The following PIEZO2 variants were observed in gnomAD, a reference collection of about 807,000 sequenced individuals.
PIEZO2 encodes piezo-type mechanosensitive ion channel component 2.
Under a neutral mutation model 337.3 loss-of-function variants are expected in PIEZO2, and 172 were observed. The ratio of observed to expected loss-of-function variants is 0.51; its 90% CI spans 0.45 to 0.58. The LOEUF (loss-of-function observed/expected upper bound fraction) is 0.58. Among genes scored for constraint, PIEZO2 ranks in the 20% least tolerant of loss-of-function variants. The probability of loss-of-function intolerance (pLI) is 0.00; values close to 1 mark genes in which losing one functional copy is unlikely to be tolerated. For synonymous variants in PIEZO2, 1,251 were observed against 1,228.5 expected, an observed-to-expected ratio of 1.02 and a Z score of -0.38; for missense variants, 3,028 against 3,391.3, an observed-to-expected ratio of 0.89 and a Z score of 2.66.
intron 3 of PIEZO2, among the ~76,000 whole-genome samples, chr18:10,916,811 G>A (rs1304322832): frequency 6.6e-6 from 1 of 152,214 alleles, no homozygotes; most frequent in Non-Finnish European, 1.5e-5. Flanking sequence ...AATGAGCGAT[G>A]GCTGCCAGCA....
intron 3 of PIEZO2, among the ~76,000 whole-genome samples, chr18:10,961,246 G>T (rs2145378179): frequency 6.6e-6 from 1 of 152,012 alleles, no homozygotes; most frequent in African/African-American, 2.4e-5. Context: ...AAAAAGTAAT[G>T]AATTAACAGC....
At chr18:10,725,257 C>T in intron 36 of PIEZO2, 1 of 1,560,828 alleles carries the variant, frequency 6.4e-7, no homozygotes, top group Admixed American at 1.7e-5. Flanking sequence ...CACCGGCAGG[C>T]AGCTGCTCAC....
chr18:10,747,857 C>A lies in PIEZO2; in HGVS notation c.4424+614G>T, dbSNP rs1323147479. On this transcript the variant is annotated intron_variant, in intron 30 of 55. Transcript: ENST00000674853. ...CCAGTATCCATCAGCTTATTCACAC[C>A]AAGCATCTGATGGGACCTAGGCAAG... is the stretch of plus-strand genomic sequence containing the variant. Among the ~76,000 whole-genome samples, 5 of 152,118 alleles carry A rather than the reference C, an allele frequency of 3.3e-5. No individual in the cohort carries two copies. In the East Asian group the frequency reaches 9.6e-4, roughly 29 times the overall value.
chr18:10,678,094 G>C (rs1159789123), intron 52 of PIEZO2, among the ~76,000 whole-genome samples: 1 of 152,206 alleles, frequency 6.6e-6, no homozygotes, highest in African/African-American at 2.4e-5. Context: ...TTTTAAAACA[G>C]AGTTGAAGGT....
Position 11,149,519 on chromosome 18 carries a change from C to G in PIEZO2, c.-931G>C, listed in dbSNP as rs1223440750. On this transcript the variant is annotated 5_prime_UTR_variant, in exon 1 of 56. Transcript: ENST00000674853. This position sits in a 1 kb window ranked among gnomAD's most constrained non-coding sequence, Gnocchi z 8.7. ...CCGCCTGCCGCCTTGCAGCCTCGCC[C>G]TCGCGGCGCAGCCGGGGCTCCCCGG... Among the ~76,000 whole-genome samples, 5 of 151,994 alleles carry G rather than the reference C, an allele frequency of 3.3e-5. No individual in the cohort carries two copies. Among genetic ancestry groups the G allele is most frequent in the African/African-American group, 1.2e-4 (5 of 41,428 alleles).
rs1400214461 is a variant in PIEZO2, at chr18:10,791,195, ATTTACC to A, written c.1882_1882+5del. The A allele has an allele frequency of 1.3e-6, 2 of 1,533,386 alleles. No homozygotes were observed. The highest frequency in any genetic ancestry group is 1.7e-6 in the Non-Finnish European group (2 of 1,144,954). The allele number at this position is 1,533,386 out of a possible 1,614,324, so 95.0% of individuals were successfully genotyped here. A position where few individuals can be genotyped will look rare whatever the true frequency, so the allele number is the denominator to read the frequency against. ...ACTCTCCAGCCACACATATACACTA[ATTTACC>A]TTTTTCTTCATTTTCCTGACTGCCA... On this transcript the variant is annotated splice_donor_variant and splice_donor_5th_base_variant and coding_sequence_variant and intron_variant, in exon 14 of 56. Coordinates refer to ENST00000674853, the MANE Select transcript of PIEZO2 (RefSeq NM_001378183.1). LOFTEE classifies it high-confidence loss of function.
chr18:11,139,225 T>G (rs2040573012), intron 1 of PIEZO2, among the ~76,000 whole-genome samples: 1 of 152,190 alleles, frequency 6.6e-6, no homozygotes, highest in Non-Finnish European at 1.5e-5. Context: ...CAGGGGTCAA[T>G]CTGAACAAGG....
chr18:10,968,867 A>G (rs1333106157), intron 3 of PIEZO2, among the ~76,000 whole-genome samples: 1 of 152,238 alleles, frequency 6.6e-6, no homozygotes, highest in African/African-American at 2.4e-5. Flanking sequence ...GGCATAAATT[A>G]TATTAGCAAC....
chr18:10,878,413 A>T lies in PIEZO2; in HGVS notation c.330-6998T>A, dbSNP rs2042323526. 6.6e-6 allele frequency among the ~76,000 whole-genome samples: 1 copy of T among 152,248 alleles called. No individual in the cohort carries two copies. The highest frequency in any genetic ancestry group is 1.5e-5 in the Non-Finnish European group (1 of 68,042). On this transcript the variant is annotated intron_variant, in intron 4 of 55. Coordinates refer to ENST00000674853, the MANE Select transcript of PIEZO2 (RefSeq NM_001378183.1). This position sits in a 1 kb window ranked among gnomAD's most constrained non-coding sequence, Gnocchi z 4.3. Reference sequence around the variant, plus strand: ...TAATACACAAACACTAAGAGGAGGGAACATTACTGTTGCCTGGTAATGGCA... The same window carrying T: ...TAATACACAAACACTAAGAGGAGGGTACATTACTGTTGCCTGGTAATGGCA...
chr18:10,845,159 G>A (rs1420970291), intron 7 of PIEZO2, among the ~76,000 whole-genome samples: 2 of 151,162 alleles, frequency 1.3e-5, no homozygotes, highest in East Asian at 2.0e-4. Context: ...AACCTATGGG[G>A]AATAATTATT....
Position 10,821,814 on chromosome 18 carries a change from T to C in PIEZO2, c.918-14540A>G, listed in dbSNP as rs1170674270. On this transcript the variant is annotated intron_variant, in intron 7 of 55. Transcript: ENST00000674853. The surrounding 1 kb of genome is among the most constrained non-coding windows in gnomAD (Gnocchi z 4.2). ...TTCCACACTTTTGTCTTTCTTGAAT[T>C]CTTAGCAGAGAATCTCAGGAAAACT... Among the ~76,000 whole-genome samples the C allele has an allele frequency of 3.3e-5, 5 of 152,232 alleles. No individual in the cohort carries two copies. Among genetic ancestry groups the C allele is most frequent in the Non-Finnish European group, 7.3e-5 (5 of 68,040 alleles).
Position 10,726,499 on chromosome 18 carries a change from C to T in PIEZO2, c.5029+4908G>A. The T allele has an allele frequency of 6.7e-7, 1 of 1,497,112 alleles. No individual in the cohort carries two copies. Among genetic ancestry groups the T allele is most frequent in the East Asian group, 2.5e-5 (1 of 40,480 alleles). 92.7% of individuals were successfully genotyped at this position (1,497,112 alleles called of 1,614,324 possible). A position where few individuals can be genotyped will look rare whatever the true frequency, so the allele number is the denominator to read the frequency against. Reference sequence around the variant, plus strand: ...CCACCCTGCACAGCGTGCTGCTCCGCAAGCAGCCGTTCCTGTGGCGCGCTG... The same window carrying T: ...CCACCCTGCACAGCGTGCTGCTCCGTAAGCAGCCGTTCCTGTGGCGCGCTG... On this transcript the variant is annotated intron_variant, in intron 36 of 55. Coordinates refer to ENST00000674853, the MANE Select transcript of PIEZO2 (RefSeq NM_001378183.1). This position sits in a 1 kb window ranked among gnomAD's most constrained non-coding sequence, Gnocchi z 5.9.
At chr18:11,006,534 T>C (rs992583387) in intron 2 of PIEZO2, among the ~76,000 whole-genome samples, 2 of 152,090 alleles carry the variant, frequency 1.3e-5, no homozygotes, top group Admixed American at 1.3e-4. Flanking sequence ...CTCCTCAGAG[T>C]TAAATTTATG....
chr18:10,991,213 T>TAC (rs1220907018), intron 2 of PIEZO2, among the ~76,000 whole-genome samples: 2 of 150,280 alleles, frequency 1.3e-5, no homozygotes, highest in African/African-American at 4.9e-5. Flanking sequence ...TACATATATA[T>TAC]ATACACACAC....
intron 27 of PIEZO2, among the ~76,000 whole-genome samples, chr18:10,753,447 C>A (rs1207663015): frequency 1.3e-5 from 2 of 152,174 alleles, no homozygotes; most frequent in Non-Finnish European, 2.9e-5. Context: ...GGCCACCCAT[C>A]CCTGCTGCTT....
chr18:11,135,923 T>G (rs2040470167), intron 1 of PIEZO2, among the ~76,000 whole-genome samples: 1 of 152,206 alleles, frequency 6.6e-6, no homozygotes, highest in Non-Finnish European at 1.5e-5. Flanking sequence ...TGAGTATGGA[T>G]CTACTGGAAT....
intron 49 of PIEZO2, among the ~76,000 whole-genome samples, chr18:10,684,122 T>TCTC (rs2034414173): frequency 7.5e-6 from 1 of 134,092 alleles, no homozygotes; most frequent in African/African-American, 2.8e-5. Context: ...CTTTCTTTCT[T>TCTC]TCTCTCTCTC....
chr18:10,722,407 T>G (rs969882248), intron 36 of PIEZO2, among the ~76,000 whole-genome samples: 26 of 151,918 alleles, frequency 1.7e-4, no homozygotes, highest in African/African-American at 6.3e-4. Flanking sequence ...ATTTTTTGTA[T>G]TTTTAGTAGA....
chr18:10,780,622 TCA>T (rs2038946205), intron 17 of PIEZO2, among the ~76,000 whole-genome samples: 2 of 151,040 alleles, frequency 1.3e-5, no homozygotes, highest in African/African-American at 4.9e-5. Context: ...CCTCTCCATC[TCA>T]CACACTTTAT....
Sources: gnomAD v4.1 joint callset for allele counts (sites outside exome capture counted in the v4.1 genomes callset) on GRCh38, gnomAD v4.1.1 for gene constraint, Gnocchi (gnomAD v3.1) non-coding constraint, MANE v1.5 for transcripts, NCBI Gene and HGNC (gene_info 2026-07-23, HGNC 2026-07-21) for gene names.